The following RAPH1 variants were observed in gnomAD, a reference collection of about 807,000 sequenced individuals.
RAPH1 encodes the protein ras-associated and pleckstrin homology domains-containing protein 1.
Under a neutral mutation model 88.1 loss-of-function variants are expected in RAPH1, and 18 were observed. The observed-to-expected ratio is 0.20, with a 90% confidence interval of 0.14 to 0.30. The LOEUF is 0.30. RAPH1 is among the 10% of genes least tolerant of loss of function. The pLI is 1.00. For missense variants in RAPH1, 1,448 were observed against 1,543.2 expected (o/e 0.94, Z 1.03); for synonymous variants, 587 against 559.0 (o/e 1.05, Z -0.71).
chr2:203,474,540 G>T (rs1319028023), intron 4 of RAPH1, among the ~76,000 whole-genome samples: 2 of 152,172 alleles, frequency 1.3e-5, no homozygotes, highest in Non-Finnish European at 2.9e-5. Flanking sequence ...TAAATGGAAA[G>T]AAGTCTGCAC....
chr2:203,506,887 TA>T (rs1689106177), intron 1 of RAPH1, among the ~76,000 whole-genome samples: 13 of 109,964 alleles, frequency 1.2e-4, no homozygotes, highest in African/African-American at 1.8e-4. Context: ...TATAGATATA[TA>T]TATATATATA....
intron 1 of RAPH1, among the ~76,000 whole-genome samples, chr2:203,506,896 A>ATT (rs1211565813): frequency 0.014 from 1,415 of 100,892 alleles, 232 homozygotes; most frequent in African/African-American, 0.075. Context: ...ATATATATAT[A>ATT]TATTTTTTTT....
At chr2:203,506,894 ATATATTTT>A (rs1559495182) in intron 1 of RAPH1, among the ~76,000 whole-genome samples, 9 of 101,278 alleles carry the variant, frequency 8.9e-5, no homozygotes, top group African/African-American at 1.1e-4. Context: ...ATATATATAT[ATATATTTT>A]TTTTTTTTTT....
At chr2:203,452,053 G>C (rs892563911) in intron 10 of RAPH1, among the ~76,000 whole-genome samples, 12 of 152,176 alleles carry the variant, frequency 7.9e-5, no homozygotes, top group Non-Finnish European at 1.6e-4. Flanking sequence ...AGGTGAATCA[G>C]CCTGAGAATA....
At chr2:203,481,102 A>C (rs1414189956) in intron 4 of RAPH1, among the ~76,000 whole-genome samples, 1 of 152,118 alleles carries the variant, frequency 6.6e-6, no homozygotes, top group Non-Finnish European at 1.5e-5. Flanking sequence ...AAATACAAAA[A>C]CACCACAAGA....
At chr2:203,457,011 TG>T (rs2098520132) in intron 8 of RAPH1, among the ~76,000 whole-genome samples, 1 of 152,074 alleles carries the variant, frequency 6.6e-6, no homozygotes, top group Admixed American at 6.6e-5. Context: ...CACTAGAATA[TG>T]GCTTGGCAAA....
chr2:203,503,763 A>G (rs1688848265), intron 1 of RAPH1, among the ~76,000 whole-genome samples: 1 of 152,206 alleles, frequency 6.6e-6, no homozygotes, highest in Non-Finnish European at 1.5e-5. Flanking sequence ...AGCCTATAAA[A>G]TCAAAAGCAA....
In RAPH1 at chr2:203,434,251, GTCT is replaced by G. The variant is rs545060427; in HGVS notation, c.*5183_*5185del. 122 of 152,518 alleles carry G rather than the reference GTCT, an allele frequency of 8.0e-4. No individual in the cohort carries two copies. Among genetic ancestry groups the G allele is most frequent in the African/African-American group, 2.8e-3 (116 of 41,492 alleles). 9.4% of individuals were successfully genotyped at this position (152,518 alleles called of 1,614,324 possible). A position where few individuals can be genotyped will look rare whatever the true frequency, so the allele number is the denominator to read the frequency against. On this transcript the variant is annotated 3_prime_UTR_variant, in exon 14 of 14. Transcript: ENST00000319170. Reference sequence around the variant, plus strand: ...CTGGTACATTATAATGAAGTTCCTTGTCTTCTTCATGCTTTAAAAAAGTATACT... The same window carrying G: ...CTGGTACATTATAATGAAGTTCCTTGTCTTCATGCTTTAAAAAAGTATACT...
At chr2:203,511,259 T>TA (rs1404446238) in intron 1 of RAPH1, among the ~76,000 whole-genome samples, 4 of 150,972 alleles carry the variant, frequency 2.6e-5, no homozygotes, top group East Asian at 3.9e-4. Context: ...AAGCTAAAGG[T>TA]ACATTTCTTT....
chr2:203,472,193 C>T (rs1204103327), intron 4 of RAPH1, among the ~76,000 whole-genome samples: 2 of 150,822 alleles, frequency 1.3e-5, no homozygotes, highest in East Asian at 1.9e-4. Context: ...AGGGCAGTGG[C>T]GTGATCTCAG....
Position 203,439,421 on chromosome 2 carries a change from T to C in RAPH1, c.*16A>G. ...GCAGTGATTACAGATATCATGAAAA[T>C]AAAGTCCTATGGTGGCTACCAGTCT... On this transcript the variant is annotated 3_prime_UTR_variant, in exon 14 of 14. Transcript: ENST00000319170. The C allele has an allele frequency of 6.2e-7, 1 of 1,605,590 alleles. No homozygotes were observed. Among genetic ancestry groups the C allele is most frequent in the South Asian group, 1.1e-5 (1 of 90,782 alleles).
chr2:203,496,969 T>G (rs1688544408), intron 1 of RAPH1, among the ~76,000 whole-genome samples: 1 of 152,238 alleles, frequency 6.6e-6, no homozygotes, highest in Non-Finnish European at 1.5e-5. Flanking sequence ...AAGATATGCC[T>G]AATCTTTACT....
rs369373224 is a variant in RAPH1 at position 203,461,321 on chromosome 2, G to C, written c.898C>G (p.Leu300Val). ...TAACCGCAGTGGGATTTGTCCATCAGGTTATCCAGTACTTGTCTTACTGTC... is the reference window on the plus strand; with the variant it reads ...TAACCGCAGTGGGATTTGTCCATCACGTTATCCAGTACTTGTCTTACTGTC... ...RQTVRQVLDN[L>V]MDKSHCGYSL... The change falls in exon 6 of 14, where the codon CTG becomes GTG. Residue 300 changes from leucine to valine, a missense_variant. Leu to Val is a conservative substitution (Grantham distance 32). This residue lies in a region of RAPH1 where 513 missense variants were observed against 653.1 expected (regional missense o/e 0.79). Transcript: ENST00000319170. 10 of 1,610,278 alleles carry C rather than the reference G, an allele frequency of 6.2e-6. No homozygotes were observed. The highest frequency in any genetic ancestry group is 4.5e-5 in the East Asian group (2 of 44,644).
intron 8 of RAPH1, among the ~76,000 whole-genome samples, chr2:203,456,324 G>C (rs1475196366): frequency 2.0e-5 from 3 of 152,130 alleles, no homozygotes; most frequent in Admixed American, 6.5e-5. Flanking sequence ...TCTACATTTA[G>C]ATTAGCTGTC....
chr2:203,525,403 ACTGCTGACCT>A (rs1426442479), intron 1 of RAPH1, among the ~76,000 whole-genome samples: 1 of 151,802 alleles, frequency 6.6e-6, no homozygotes, highest in Non-Finnish European at 1.5e-5. Flanking sequence ...CTGGTCTTGA[ACTGCTGACCT>A]CAGGCAATCC....
intron 1 of RAPH1, among the ~76,000 whole-genome samples, chr2:203,512,807 AG>A (rs1292656387): frequency 1.3e-5 from 2 of 151,824 alleles, no homozygotes; most frequent in African/African-American, 4.8e-5. Flanking sequence ...GTTATTTTTT[AG>A]TAGAGACAGG....
intron 4 of RAPH1, among the ~76,000 whole-genome samples, chr2:203,484,283 T>C (rs1687867301): frequency 6.6e-6 from 1 of 152,184 alleles, no homozygotes; most frequent in Non-Finnish European, 1.5e-5. Flanking sequence ...CAACGTACTA[T>C]AACTGCCACC....
In RAPH1 at chr2:203,472,127, CTTTTT is replaced by C. The variant is rs531692694; in HGVS notation, c.733-10207_733-10203del. Among the ~76,000 whole-genome samples the C allele has an allele frequency of 5.2e-4, 73 of 140,714 alleles. 1 individual carries two copies. Among genetic ancestry groups the C allele is most frequent in the Non-Finnish European group, 1.2e-4 (8 of 64,130 alleles). 92.3% of individuals were successfully genotyped at this position (140,714 alleles called of 152,430 possible). A position where few individuals can be genotyped will look rare whatever the true frequency, so the allele number is the denominator to read the frequency against. On this transcript the variant is annotated intron_variant, in intron 4 of 13. Coordinates refer to ENST00000319170, the MANE Select transcript of RAPH1 (RefSeq NM_213589.3). ...TAGCCATTCTTTGGTTTCTTTAGTT[CTTTTT>C]TTTTTTTTTTATTTTTTTGAGACAG...
chr2:203,455,469 C>G lies in RAPH1; in HGVS notation c.1270G>C (p.Gly424Arg). 6.2e-7 allele frequency: 1 copy of G among 1,613,760 alleles called. No homozygotes were observed. Among genetic ancestry groups the G allele is most frequent in the Non-Finnish European group, 8.5e-7 (1 of 1,179,838 alleles). The change falls in exon 9 of 14, where the codon GGT (glycine) becomes CGT (arginine). Residue 424 changes from glycine to arginine, a missense_variant. Physicochemically the swap from Gly to Arg is moderately radical, Grantham distance 125. Coordinates refer to ENST00000319170, the MANE Select transcript of RAPH1 (RefSeq NM_213589.3). ...KKRYFLLRAS[G>R]IYYVPKGKAK... is the part of the protein sequence containing the mutation. The stretch of plus-strand genomic sequence containing the variant: ...TTTCCTTTGGGAACATAGTAGATAC[C>G]AGATGCTCGCAAGAGAAAATAACGC...
Sources: allele counts gnomAD v4.1 joint callset (sites outside exome capture counted in the v4.1 genomes callset), GRCh38; gene constraint gnomAD v4.1.1; regional missense constraint gnomAD v4.1.1; transcripts MANE v1.5; gene names NCBI Gene and HGNC (gene_info 2026-07-23, HGNC 2026-07-21).